LRFN5: variants seen among roughly 807,000 people sequenced by gnomAD.
The protein encoded by LRFN5 is leucine-rich repeat and fibronectin type-III domain-containing protein 5.
A neutral mutation model predicts 45.6 loss-of-function variants in LRFN5; 24 were observed. The observed-to-expected ratio is 0.53, with a 90% confidence interval of 0.38 to 0.74. LRFN5 has a LOEUF of 0.74. Ranked by LOEUF, LRFN5 falls within the 30% of genes least tolerant of loss-of-function variation. LRFN5 has a pLI of 0.00. For missense variants in LRFN5, 776 were observed against 861.5 expected (o/e 0.90, Z 1.24); for synonymous variants, 340 against 313.8 (o/e 1.08, Z -0.88).
At chr14:41,692,342 C>G (rs987312986) in intron 1 of LRFN5, among the ~76,000 whole-genome samples, 1 of 151,774 alleles carries the variant, frequency 6.6e-6, no homozygotes, top group African/African-American at 2.4e-5. Context: ...TTTATAGATT[C>G]TGGATATGTA....
At chr14:41,650,374 TTGTAATAGGTGAAATGGTTGAGGTCAATA>T (rs1368092484) in intron 1 of LRFN5, among the ~76,000 whole-genome samples, 9 of 152,028 alleles carry the variant, frequency 5.9e-5, no homozygotes, top group African/African-American at 1.7e-4. Context: ...ATATGGTGAT[TTGTAATAGGTGAAATGGTTGAGGTCAATA>T]TGTAATAGGT....
intron 2 of LRFN5, among the ~76,000 whole-genome samples, chr14:41,845,944 A>G (rs574061846): frequency 3.3e-5 from 5 of 152,330 alleles, no homozygotes; most frequent in African/African-American, 1.2e-4. Flanking sequence ...TTGAATCTCA[A>G]GGGCTTAACA....
At chr14:41,756,992 G>T (rs1357167087) in intron 1 of LRFN5, among the ~76,000 whole-genome samples, 3 of 152,174 alleles carry the variant, frequency 2.0e-5, no homozygotes, top group Non-Finnish European at 4.4e-5. Context: ...ACCCCCAGCT[G>T]CAAGTCTGTT....
intron 1 of LRFN5, among the ~76,000 whole-genome samples, chr14:41,646,783 T>C (rs558694089): frequency 6.6e-6 from 1 of 152,330 alleles, no homozygotes; most frequent in South Asian, 2.1e-4. Flanking sequence ...CAAAGCTCTG[T>C]TGATATTGGC....
intron 1 of LRFN5, among the ~76,000 whole-genome samples, chr14:41,640,613 G>C (rs1400841824): frequency 6.6e-6 from 1 of 152,102 alleles, no homozygotes; most frequent in African/African-American, 2.4e-5. Flanking sequence ...AGCATTCACA[G>C]AAGTAGGTCA....
intron 5 of LRFN5, among the ~76,000 whole-genome samples, chr14:41,901,841 T>TA (rs1357631895): frequency 1.6e-4 from 24 of 152,008 alleles, no homozygotes; most frequent in African/African-American, 5.8e-4. Context: ...CAGGAGGAGG[T>TA]TCCTATGATA....
intron 1 of LRFN5, among the ~76,000 whole-genome samples, chr14:41,736,234 C>T (rs962580977): frequency 1.3e-5 from 2 of 152,112 alleles, no homozygotes; most frequent in African/African-American, 2.4e-5. Context: ...AGTGTAATAG[C>T]GTTACTATTT....
chr14:41,831,146 A>G (rs2139033401), intron 2 of LRFN5, among the ~76,000 whole-genome samples: 1 of 152,302 alleles, frequency 6.6e-6, no homozygotes, highest in South Asian at 2.1e-4. Context: ...ACCTTATACA[A>G]TTGAAAACAT....
At chr14:41,613,728 A>G (rs985270560) in intron 1 of LRFN5, among the ~76,000 whole-genome samples, 3 of 151,698 alleles carry the variant, frequency 2.0e-5, no homozygotes, top group African/African-American at 2.4e-5. Context: ...GAATTCTTAG[A>G]AAAAAAACAA....
At chr14:41,893,926 C>T (rs1004577226) in intron 4 of LRFN5, 58 of 984,998 alleles carry the variant, frequency 5.9e-5, no homozygotes, top group East Asian at 3.4e-4. Flanking sequence ...TCGTAGTTTG[C>T]GAAATCAAAA....
intron 1 of LRFN5, among the ~76,000 whole-genome samples, chr14:41,659,230 T>G (rs1249357296): frequency 6.6e-6 from 1 of 151,990 alleles, no homozygotes; most frequent in Non-Finnish European, 1.5e-5. Context: ...GGCCCCAGTG[T>G]GTGATAATCC....
At chr14:41,732,135 C>A (rs1269745216) in intron 1 of LRFN5, among the ~76,000 whole-genome samples, 1 of 152,178 alleles carries the variant, frequency 6.6e-6, no homozygotes, top group African/African-American at 2.4e-5. Context: ...AGCTACCCAT[C>A]CCCTGCACCC....
chr14:41,757,345 G>GC (rs1166916000), intron 1 of LRFN5, among the ~76,000 whole-genome samples: 1 of 151,980 alleles, frequency 6.6e-6, no homozygotes, highest in African/African-American at 2.4e-5. Context: ...GCTATGCCCT[G>GC]CCCCCAGAGG....
At chr14:41,735,535 G>A (rs555450644) in intron 1 of LRFN5, among the ~76,000 whole-genome samples, 4 of 152,226 alleles carry the variant, frequency 2.6e-5, no homozygotes, top group South Asian at 2.1e-4. Flanking sequence ...GCCCCCCCAC[G>A]TGCTGGGATT....
At chr14:41,693,904 A>G (rs1340485331) in intron 1 of LRFN5, among the ~76,000 whole-genome samples, 1 of 152,018 alleles carries the variant, frequency 6.6e-6, no homozygotes, top group African/African-American at 2.4e-5. Context: ...TATGAGTTGC[A>G]GACCACTTCA....
intron 1 of LRFN5, among the ~76,000 whole-genome samples, chr14:41,667,151 T>C (rs1880939476): frequency 6.6e-6 from 1 of 152,160 alleles, no homozygotes; most frequent in African/African-American, 2.4e-5. Flanking sequence ...TCAGGATCAA[T>C]GTAAGGAAAG....
chr14:41,814,729 C>G (rs1887857155), intron 2 of LRFN5, among the ~76,000 whole-genome samples: 1 of 152,114 alleles, frequency 6.6e-6, no homozygotes, highest in African/African-American at 2.4e-5. Flanking sequence ...CATATTCAGT[C>G]AACATCAAAA....
intron 2 of LRFN5, among the ~76,000 whole-genome samples, chr14:41,884,787 G>C (rs541393963): frequency 6.6e-6 from 1 of 152,112 alleles, no homozygotes; most frequent in Non-Finnish European, 1.5e-5. Flanking sequence ...GACAAGGAAT[G>C]AATCTCCGGA....
intron 2 of LRFN5, among the ~76,000 whole-genome samples, chr14:41,799,554 A>G (rs1887252699): frequency 6.6e-6 from 1 of 152,010 alleles, no homozygotes; most frequent in Non-Finnish European, 1.5e-5. Context: ...CTCTTCTACA[A>G]GTTCTACAAA....
Sources: allele counts gnomAD v4.1 joint callset (sites outside exome capture counted in the v4.1 genomes callset), GRCh38; gene constraint gnomAD v4.1.1; transcripts MANE v1.5; gene names NCBI Gene and HGNC (gene_info 2026-07-23, HGNC 2026-07-21).